Variants in PDS5B observed in about 807,000 individuals in gnomAD.
The protein encoded by PDS5B is sister chromatid cohesion protein PDS5 homolog B.
PDS5B carries 51 observed loss-of-function variants against 184.1 expected under a neutral mutation model. That is an observed-to-expected ratio of 0.28 (90% CI 0.22 to 0.35). The LOEUF (loss-of-function observed/expected upper bound fraction) is 0.35, where lower values mean the gene tolerates loss of function less well. Among genes scored for constraint, PDS5B ranks in the 10% least tolerant of loss-of-function variants. PDS5B has a pLI of 1.00. For missense variants in PDS5B, 1,180 were observed against 1,723.3 expected (o/e 0.68, Z 5.58); for synonymous variants, 566 against 569.2 (o/e 0.99, Z 0.08).
chr13:32,632,071 G>C (rs2058464732), intron 1 of PDS5B, among the ~76,000 whole-genome samples: 1 of 152,166 alleles, frequency 6.6e-6, no homozygotes, highest in Non-Finnish European at 1.5e-5. Flanking sequence ...AGCTCAAAAT[G>C]ATCAATGATG....
Position 32,620,578 on chromosome 13 carries a change from A to C in PDS5B, c.-19-28176A>C, listed in dbSNP as rs752471346. 5.9e-4 allele frequency among the ~76,000 whole-genome samples: 89 copies of C among 151,288 alleles called. 1 individual carries two copies. The highest frequency in any genetic ancestry group is 1.0e-3 in the Non-Finnish European group (68 of 67,878). On this transcript the variant is annotated intron_variant, in intron 1 of 34. Coordinates refer to ENST00000315596, the MANE Select transcript of PDS5B (RefSeq NM_015032.4). ...AGGCTGAGGCGGGAGAATGGCGTGA[A>C]CCCAGGAGGCAGAGCTTACAGTGAG... is the stretch of plus-strand genomic sequence containing the variant.
At chr13:32,691,706 G>T (rs1324477381) in intron 13 of PDS5B, among the ~76,000 whole-genome samples, 2 of 152,056 alleles carry the variant, frequency 1.3e-5, no homozygotes, top group Non-Finnish European at 2.9e-5. Flanking sequence ...GGCAACCAAG[G>T]TTCATAATCA....
chr13:32,600,120 TA>T (rs1429640569), intron 1 of PDS5B, among the ~76,000 whole-genome samples: 2 of 152,220 alleles, frequency 1.3e-5, no homozygotes, highest in African/African-American at 4.8e-5. Context: ...GTATTTTGTT[TA>T]AAAAATTCCA....
intron 6 of PDS5B, among the ~76,000 whole-genome samples, chr13:32,661,595 A>G (rs1054480658): frequency 1.3e-5 from 2 of 152,022 alleles, no homozygotes; most frequent in African/African-American, 4.8e-5. Flanking sequence ...TTGAGAAGAG[A>G]TGATATTCAA....
chr13:32,603,364 A>G (rs1357108944), intron 1 of PDS5B, among the ~76,000 whole-genome samples: 2 of 152,120 alleles, frequency 1.3e-5, no homozygotes, highest in African/African-American at 2.4e-5. Context: ...TCCTTTCCCC[A>G]TTTCTTGTTT....
chr13:32,730,677 T>C (rs1018763896), intron 19 of PDS5B, among the ~76,000 whole-genome samples: 1 of 152,134 alleles, frequency 6.6e-6, no homozygotes, highest in Non-Finnish European at 1.5e-5. Flanking sequence ...TTGTAAGTTG[T>C]ATTCCTAGGT....
rs190063882 is a variant in PDS5B, at chr13:32,758,962, G to C, written c.3309+309G>C. 7.2e-5 allele frequency among the ~76,000 whole-genome samples: 11 copies of C among 152,190 alleles called. No individual in the cohort carries two copies. The East Asian group carries it at 1.9e-3, about 27-fold the overall frequency. On this transcript the variant is annotated intron_variant, in intron 28 of 34. Transcript: ENST00000315596. ...GAGAGTGCTGATAGAGATACAGTCT[G>C]AAGTTAAAAGCCCTTTATTGGGATT...
Position 32,735,328 on chromosome 13 carries a change from C to A in PDS5B, c.2404C>A (p.Arg802=). The A allele has an allele frequency of 6.3e-7, 1 of 1,597,504 alleles. No homozygotes were observed. Among genetic ancestry groups the A allele is most frequent in the South Asian group, 1.1e-5 (1 of 87,776 alleles). ...FIVKDLLMND[R]LPGKKTTKLW... The stretch of plus-strand genomic sequence containing the variant: ...TGTGAAAGATCTTCTCATGAATGAT[C>A]GGGTAATTTATATTTTTTAGATTCA... The change falls in exon 21 of 35, where the codon CGG becomes AGG. Residue 802 remains arginine, a splice_region_variant and synonymous_variant. Coordinates refer to ENST00000315596, the MANE Select transcript of PDS5B (RefSeq NM_015032.4).
At chr13:32,626,604 C>T (rs2058374347) in intron 1 of PDS5B, among the ~76,000 whole-genome samples, 1 of 151,596 alleles carries the variant, frequency 6.6e-6, no homozygotes, top group East Asian at 1.9e-4. Flanking sequence ...TGTTTTCAGT[C>T]TTGCTGTTTT....
At chr13:32,750,506 C>CT (rs1345210737) in intron 24 of PDS5B, among the ~76,000 whole-genome samples, 7 of 152,042 alleles carry the variant, frequency 4.6e-5, no homozygotes, top group Admixed American at 4.6e-4. Flanking sequence ...TCTGTGAAAA[C>CT]TAGACTGCTT....
At chr13:32,614,297 A>ATT (rs34622192) in intron 1 of PDS5B, among the ~76,000 whole-genome samples, 17 of 136,986 alleles carry the variant, frequency 1.2e-4, no homozygotes, top group African/African-American at 1.6e-4. Flanking sequence ...TCACATTGGA[A>ATT]TTTTTTTTTT....
intron 3 of PDS5B, among the ~76,000 whole-genome samples, chr13:32,656,647 A>AGT (rs1950521839): frequency 6.9e-6 from 1 of 144,430 alleles, no homozygotes; most frequent in Non-Finnish European, 1.5e-5. Context: ...CCCAGGCTGG[A>AGT]GTGCAGTAGC....
chr13:32,596,654 TGG>T, intron 1 of PDS5B, among the ~76,000 whole-genome samples: 2 of 152,174 alleles, frequency 1.3e-5, no homozygotes, highest in African/African-American at 4.8e-5. Context: ...CACCAACACT[TGG>T]TTAGTCAATC....
rs1325237724 is a variant in PDS5B at position 32,775,294 on chromosome 13, G to A, written c.*242G>A. The A allele has an allele frequency of 2.0e-6, 1 of 504,732 alleles. No homozygotes were observed. The highest frequency in any genetic ancestry group is 3.5e-6 in the Non-Finnish European group (1 of 286,680). The allele number at this position is 504,732 out of a possible 1,614,324, so 31.3% of individuals were successfully genotyped here. On this transcript the variant is annotated 3_prime_UTR_variant, in exon 35 of 35. Coordinates refer to ENST00000315596, the MANE Select transcript of PDS5B (RefSeq NM_015032.4). Reference sequence around the variant, plus strand: ...TGTGCGATGGCTATGTAGACATAAAGAAGAAACTTGTAAATATCTTTTTTC... The same window carrying A: ...TGTGCGATGGCTATGTAGACATAAAAAAGAAACTTGTAAATATCTTTTTTC...
intron 30 of PDS5B, among the ~76,000 whole-genome samples, chr13:32,762,678 C>A (rs1009303210): frequency 6.6e-6 from 1 of 152,090 alleles, no homozygotes; most frequent in Non-Finnish European, 1.5e-5. Flanking sequence ...CTCTTCCCCC[C>A]TCTATATTTT....
intron 1 of PDS5B, among the ~76,000 whole-genome samples, chr13:32,630,410 C>G (rs186658658): frequency 2.7e-4 from 41 of 152,212 alleles, no homozygotes; most frequent in Admixed American, 7.9e-4. Flanking sequence ...ATGCCCTCCT[C>G]ATATCTAGTG....
intron 17 of PDS5B, among the ~76,000 whole-genome samples, chr13:32,702,841 A>G (rs978999890): frequency 1.2e-4 from 19 of 152,204 alleles, no homozygotes; most frequent in African/African-American, 4.1e-4. Flanking sequence ...TCTGTTGAGA[A>G]CTATGGATGA....
At chr13:32,681,748 G>T (rs1394978322) in intron 10 of PDS5B, among the ~76,000 whole-genome samples, 1 of 151,702 alleles carries the variant, frequency 6.6e-6, no homozygotes, top group African/African-American at 2.4e-5. Context: ...TTCCTGACTA[G>T]CAGGATCATT....
intron 24 of PDS5B, among the ~76,000 whole-genome samples, chr13:32,752,096 T>C (rs1283526194): frequency 2.0e-5 from 3 of 152,104 alleles, no homozygotes; most frequent in African/African-American, 7.2e-5. Context: ...TCTTTGTAGG[T>C]CATATAGAAA....
Sources: allele counts gnomAD v4.1 joint callset (sites outside exome capture counted in the v4.1 genomes callset), GRCh38; gene constraint gnomAD v4.1.1; transcripts MANE v1.5; gene names NCBI Gene and HGNC (gene_info 2026-07-23, HGNC 2026-07-21).